EHD4: variants seen among roughly 807,000 people sequenced by gnomAD.
The protein encoded by EHD4 is EH domain-containing protein 4.
A neutral mutation model predicts 51.0 loss-of-function variants in EHD4; 37 were observed. The ratio of observed to expected loss-of-function variants is 0.73; its 90% confidence interval spans 0.56 to 0.95. EHD4 has a LOEUF of 0.95. Among genes scored for constraint, EHD4 ranks in the 40% least tolerant of loss-of-function variants. The pLI is 0.00. For synonymous variants in EHD4, 297 were observed against 317.3 expected, an observed-to-expected ratio of 0.94 and a Z score of 0.68; for missense variants, 632 against 733.1, an observed-to-expected ratio of 0.86 and a Z score of 1.59.
At chr15:41,916,018 G>A (rs571741867) in intron 4 of EHD4, among the ~76,000 whole-genome samples, 3 of 152,248 alleles carry the variant, frequency 2.0e-5, no homozygotes, top group East Asian at 3.9e-4. Context: ...TGATTAAAAC[G>A]GCGCACTTGC....
chr15:41,953,642 G>T, intron 2 of EHD4, 122 bp downstream of exon 2: 1 of 1,073,048 alleles, frequency 9.3e-7, no homozygotes. Context: ...AACATATTTT[G>T]TATGACTTCT....
In EHD4 at chr15:41,900,437, C is replaced by G; in HGVS notation, c.*208G>C. The G allele has an allele frequency of 1.6e-6, 1 of 606,612 alleles. No individual in the cohort carries two copies. Among genetic ancestry groups the G allele is most frequent in the Non-Finnish European group, 2.9e-6 (1 of 348,278 alleles). The allele number at this position is 606,612 out of a possible 1,614,324, so 37.6% of individuals were successfully genotyped here. The stretch of plus-strand genomic sequence containing the variant: ...CCCTTCAATCTCCTAATCCACCCCC[C>G]TACCCCCAATATTTTCATAGAAACT... On this transcript the variant is annotated 3_prime_UTR_variant, in exon 6 of 6. Coordinates refer to ENST00000220325, the MANE Select transcript of EHD4 (RefSeq NM_139265.4). The surrounding 1 kb of genome is among the most constrained non-coding windows in gnomAD (Gnocchi z 4.8).
chr15:41,911,272 A>G (rs1430582000), intron 4 of EHD4, among the ~76,000 whole-genome samples: 1 of 152,232 alleles, frequency 6.6e-6, no homozygotes, highest in African/African-American at 2.4e-5. Flanking sequence ...TGGAGAGATG[A>G]CGCTAAACCT....
At chr15:41,926,946 C>T (rs1260710019) in intron 3 of EHD4, among the ~76,000 whole-genome samples, 1 of 152,222 alleles carries the variant, frequency 6.6e-6, no homozygotes, top group Non-Finnish European at 1.5e-5. Context: ...ACAGAACCGC[C>T]TTTCCTGTTT....
At chr15:41,953,701 G>A (rs2067867605) in intron 2 of EHD4, 63 bp downstream of exon 2, 3 of 1,489,158 alleles carry the variant, frequency 2.0e-6, no homozygotes, top group Non-Finnish European at 2.7e-6. Flanking sequence ...ATATGTAACT[G>A]GCAGTAATTC....
At chr15:41,907,824 C>CTGTG (rs10522331) in intron 5 of EHD4, among the ~76,000 whole-genome samples, 12,132 of 131,832 alleles carry the variant, frequency 0.092, 672 homozygotes, top group Non-Finnish European at 0.12. Flanking sequence ...CGCCCAGGCT[C>CTGTG]TGTGTGTGTG....
chr15:41,907,824 CTGTGTGTGTGTGTGTGTGTGTGTGTG>C, intron 5 of EHD4, among the ~76,000 whole-genome samples: 1 of 132,124 alleles, frequency 7.6e-6, no homozygotes, highest in Admixed American at 7.9e-5. Context: ...CGCCCAGGCT[CTGTGTGTGTGTGTGTGTGTGTGTGTG>C]TGTGTGTGTG....
intron 2 of EHD4, among the ~76,000 whole-genome samples, chr15:41,946,015 T>C (rs781019023): frequency 6.6e-6 from 1 of 152,228 alleles, no homozygotes; most frequent in African/African-American, 2.4e-5. Context: ...CTGGAGTTAA[T>C]GTGCACGGAA....
At chr15:41,926,937 C>G (rs1291329454) in intron 3 of EHD4, among the ~76,000 whole-genome samples, 3 of 152,228 alleles carry the variant, frequency 2.0e-5, no homozygotes, top group African/African-American at 7.2e-5. Context: ...CCCAGTGGAA[C>G]AGAACCGCCT....
At chr15:41,960,911 G>A (rs2067920331) in intron 1 of EHD4, among the ~76,000 whole-genome samples, 1 of 152,154 alleles carries the variant, frequency 6.6e-6, no homozygotes, top group Non-Finnish European at 1.5e-5. Flanking sequence ...GACCTCAGGT[G>A]ATCTGCCCGC....
At chr15:41,953,623 A>T in intron 2 of EHD4, 141 bp downstream of exon 2, 1 of 969,686 alleles carries the variant, frequency 1.0e-6, no homozygotes, top group Non-Finnish European at 1.5e-6. Context: ...CAAATATCTT[A>T]ATATGATAAA....
At chr15:41,920,084 G>A (rs1262294793) in intron 3 of EHD4, among the ~76,000 whole-genome samples, 1 of 152,228 alleles carries the variant, frequency 6.6e-6, no homozygotes, top group East Asian at 1.9e-4. Flanking sequence ...GGGGTATCCA[G>A]TAAGCATAAC....
chr15:41,936,993 G>A lies in EHD4; in HGVS notation c.511+6074C>T, dbSNP rs147226476. On this transcript the variant is annotated intron_variant, in intron 3 of 5. Transcript: ENST00000220325. ...GATCTGCCAACAAATCATCAGGGCTGGGCCCCAGCCTCCAGGGATGGACAC... is the reference window on the plus strand; with the variant it reads ...GATCTGCCAACAAATCATCAGGGCTAGGCCCCAGCCTCCAGGGATGGACAC... Among the ~76,000 whole-genome samples the A allele has an allele frequency of 4.6e-4, 70 of 152,328 alleles. No individual in the cohort carries two copies. In the East Asian group the frequency reaches 0.01, roughly 22 times the overall value.
chr15:41,957,985 C>A (rs1441664336), intron 1 of EHD4, among the ~76,000 whole-genome samples: 1 of 152,078 alleles, frequency 6.6e-6, no homozygotes, highest in African/African-American at 2.4e-5. Context: ...GGGTCAATCA[C>A]ACAGCCACAC....
chr15:41,966,704 G>C (rs1339614002), intron 1 of EHD4, among the ~76,000 whole-genome samples: 1 of 152,174 alleles, frequency 6.6e-6, no homozygotes, highest in African/African-American at 2.4e-5. Context: ...TGCAGTCCTG[G>C]GCCAAGCCTG....
chr15:41,918,518 G>A (rs1434677730), intron 4 of EHD4, among the ~76,000 whole-genome samples: 1 of 152,196 alleles, frequency 6.6e-6, no homozygotes, highest in Non-Finnish European at 1.5e-5. Context: ...GACATGAATT[G>A]ACTCTGTCAC....
chr15:41,943,271 GC>G lies in EHD4; in HGVS notation c.414-108del, dbSNP rs1460237829. On this transcript the variant is annotated intron_variant, in intron 2 of 5. Transcript: ENST00000220325. ...GCTTACTGACATCTGTAAAGTGGGG[GC>G]CTGAAGGAGACTGACAGAAACTGAG... 3 of 792,046 alleles carry G rather than the reference GC, an allele frequency of 3.8e-6. No homozygotes were observed. In the African/African-American group the frequency reaches 5.2e-5, roughly 14 times the overall value. 49.1% of individuals were successfully genotyped at this position (792,046 alleles called of 1,614,324 possible). A position where few individuals can be genotyped will look rare whatever the true frequency, so the allele number is the denominator to read the frequency against.
Position 41,901,201 on chromosome 15 carries a change from A to C in EHD4, c.1090-20T>G. On this transcript the variant is annotated intron_variant, in intron 5 of 5. Transcript: ENST00000220325. ...CTGTTCCTGCAGAAGGACAAACCAC[A>C]GGATGGGTTACATGTGGTCTCTTCA... The C allele has an allele frequency of 5.2e-6, 8 of 1,529,614 alleles. No homozygotes were observed. The highest frequency in any genetic ancestry group is 7.0e-6 in the Non-Finnish European group (8 of 1,141,512). The allele number at this position is 1,529,614 out of a possible 1,614,324, so 94.8% of individuals were successfully genotyped here.
At chr15:41,909,160 C>T (rs1220681031) in intron 5 of EHD4, among the ~76,000 whole-genome samples, 1 of 152,260 alleles carries the variant, frequency 6.6e-6, no homozygotes, top group Non-Finnish European at 1.5e-5. Flanking sequence ...TCAAGAGAGG[C>T]CTTGACAGCA....
Sources: allele counts gnomAD v4.1 joint callset (sites outside exome capture counted in the v4.1 genomes callset), GRCh38; gene constraint gnomAD v4.1.1; non-coding constraint Gnocchi (gnomAD v3.1); transcripts MANE v1.5; gene names NCBI Gene and HGNC (gene_info 2026-07-23, HGNC 2026-07-21).